TPTE2: variants seen among roughly 807,000 people sequenced by gnomAD.
TPTE2 encodes the protein transmembrane phosphoinositide 3-phosphatase and tensin homolog 2, also known as phosphatidylinositol 3,4,5-trisphosphate 3-phosphatase TPTE2.
A neutral mutation model predicts 78.6 loss-of-function variants in TPTE2; 53 were observed. That is an observed-to-expected ratio of 0.67 (90% confidence interval 0.54 to 0.85). The LOEUF (loss-of-function observed/expected upper bound fraction) is 0.85. TPTE2 is among the 40% of genes least tolerant of loss of function. The pLI is 0.00. For missense variants in TPTE2, 461 were observed against 623.0 expected, an observed-to-expected ratio of 0.74 and a Z score of 2.77; for synonymous variants, 175 against 206.2, an observed-to-expected ratio of 0.85 and a Z score of 1.30.
chr13:19,528,408 T>A (rs1593421886), intron 1 of TPTE2, among the ~76,000 whole-genome samples: 1 of 152,166 alleles, frequency 6.6e-6, no homozygotes, highest in South Asian at 2.1e-4. Flanking sequence ...AAAGCCTATT[T>A]ATATACTTAT....
At chr13:19,425,614 T>A in intron 18 of TPTE2, 2 of 404,660 alleles carry the variant, frequency 4.9e-6, no homozygotes, top group Non-Finnish European at 9.7e-6. Context: ...GATATATCAG[T>A]GACCACCTCT....
chr13:19,498,914 C>G (rs899679920), intron 1 of TPTE2, among the ~76,000 whole-genome samples: 1 of 152,106 alleles, frequency 6.6e-6, no homozygotes, highest in African/African-American at 2.4e-5. Flanking sequence ...ATCTCACATG[C>G]AGAGACACAC....
intron 10 of TPTE2, among the ~76,000 whole-genome samples, chr13:19,454,822 T>C (rs1373894979): frequency 5.9e-5 from 9 of 152,202 alleles, no homozygotes; most frequent in African/African-American, 2.2e-4. Context: ...TGTTGCCAAA[T>C]TTATATTAGT....
chr13:19,430,087 AAACT>A (rs1379154929), intron 17 of TPTE2, among the ~76,000 whole-genome samples: 1 of 152,204 alleles, frequency 6.6e-6, no homozygotes. Context: ...CATGCACACT[AAACT>A]TTTAGAATCA....
At chr13:19,522,611 T>A (rs997325506) in intron 1 of TPTE2, among the ~76,000 whole-genome samples, 1 of 92,562 alleles carries the variant, frequency 1.1e-5, no homozygotes, top group Non-Finnish European at 2.0e-5. Context: ...TTTCCTTACT[T>A]TTTTTTTCTT....
chr13:19,552,618 C>T, the TPTE2 span: 8 of 814,938 alleles, frequency 9.8e-6, no homozygotes, highest in Middle Eastern at 3.5e-4. Context: ...CTCTTTTGTC[C>T]ACAGGATCAG....
intron 3 of TPTE2, among the ~76,000 whole-genome samples, chr13:19,491,696 A>C (rs1170121353): frequency 6.6e-6 from 1 of 152,014 alleles, no homozygotes; most frequent in Non-Finnish European, 1.5e-5. Flanking sequence ...ATGGTGGCAC[A>C]TGACTGCAGT....
Position 19,536,104 on chromosome 13 carries a change from A to C in TPTE2, c.-44+492T>G, listed in dbSNP as rs183996200. Among the ~76,000 whole-genome samples the C allele has an allele frequency of 6.3e-3, 953 of 152,274 alleles. 3 individuals are homozygous for C. Among genetic ancestry groups the C allele is most frequent in the Non-Finnish European group, 9.7e-3 (658 of 68,020 alleles). ...GAGGGATTCCCTATTTGATTGTCTC[A>C]GTTTATTAGAATATGGATGGTCTTT... On this transcript the variant is annotated intron_variant, in intron 1 of 17. Coordinates refer to the TPTE2 transcript ENST00000390680.
intron 14 of TPTE2, among the ~76,000 whole-genome samples, chr13:19,437,412 C>T (rs1877175784): frequency 6.6e-6 from 1 of 152,140 alleles, no homozygotes; most frequent in South Asian, 2.1e-4. Flanking sequence ...TGGAAACAGC[C>T]CACCTTGTCT....
At chr13:19,520,096 TCTTTTGTG>T in intron 1 of TPTE2, among the ~76,000 whole-genome samples, 1 of 152,122 alleles carries the variant, frequency 6.6e-6, no homozygotes, top group South Asian at 2.1e-4. Context: ...TGATCTTATA[TCTTTTGTG>T]AACTCAATTG....
At chr13:19,457,105 G>A (rs1490134812) in intron 10 of TPTE2, among the ~76,000 whole-genome samples, 8 of 152,146 alleles carry the variant, frequency 5.3e-5, no homozygotes, top group Admixed American at 1.3e-4. Context: ...GGTACAGGAG[G>A]AATTGAGAGC....
intron 1 of TPTE2, among the ~76,000 whole-genome samples, chr13:19,497,116 A>G (rs1354384880): frequency 2.0e-5 from 3 of 152,000 alleles, no homozygotes; most frequent in Non-Finnish European, 2.9e-5. Flanking sequence ...GTGCACCGCG[A>G]GATTATATCC....
chr13:19,493,043 T>TTCCTACTA, intron 2 of TPTE2, 140 bp from the exon 6 acceptor site: 1 of 1,193,940 alleles, frequency 8.4e-7, no homozygotes, highest in Non-Finnish European at 1.2e-6. Flanking sequence ...TACTGCTTAG[T>TTCCTACTA]AGGAACTAAG....
intron 5 of TPTE2, among the ~76,000 whole-genome samples, 166 bp from the exon 9 acceptor site, chr13:19,474,241 G>A (rs1879808194): frequency 6.6e-6 from 1 of 152,078 alleles, no homozygotes; most frequent in Non-Finnish European, 1.5e-5. Flanking sequence ...GTAATGTCTT[G>A]GAATCTCAGA....
chr13:19,536,488 C>T (rs755554055), intron 1 of TPTE2: 29 of 152,100 alleles, frequency 1.9e-4, no homozygotes, highest in Non-Finnish European at 4.1e-4. Context: ...CATTCCTGTG[C>T]TTTTCTTTAT....
chr13:19,479,824 G>A (rs533972462), intron 4 of TPTE2, among the ~76,000 whole-genome samples: 23 of 152,022 alleles, frequency 1.5e-4, no homozygotes, highest in South Asian at 4.2e-4. Context: ...TTAGCTGGGC[G>A]TGGTGGTGCG....
chr13:19,454,784 T>C (rs1878437459), intron 10 of TPTE2, among the ~76,000 whole-genome samples: 1 of 152,204 alleles, frequency 6.6e-6, no homozygotes, highest in South Asian at 2.1e-4. Context: ...GTTTTTGGCT[T>C]TTTAAAAACA....
upstream of TPTE2, chr13:19,536,809 G>A (rs1871237940): frequency 6.6e-6 from 1 of 151,734 alleles, no homozygotes; most frequent in African/African-American, 2.4e-5. Context: ...TTTTTTTGGG[G>A]GGGTATGTTC....
intron 10 of TPTE2, among the ~76,000 whole-genome samples, chr13:19,453,514 G>GAT (rs201656362): frequency 0.012 from 1,526 of 129,094 alleles, 15 homozygotes; most frequent in Middle Eastern, 0.031. Context: ...CCTAAAAAAT[G>GAT]ATATATATAT....
Sources: allele counts gnomAD v4.1 joint callset (sites outside exome capture counted in the v4.1 genomes callset), GRCh38; gene constraint gnomAD v4.1.1; transcripts MANE v1.5; gene names NCBI Gene and HGNC (gene_info 2026-07-23, HGNC 2026-07-21).